Variants in ASTN2 observed in about 807,000 individuals in gnomAD.
ASTN2 encodes the protein astrotactin 2.
Under a neutral mutation model 139.8 loss-of-function variants are expected in ASTN2, and 54 were observed. That is an observed-to-expected ratio of 0.39 (90% CI 0.31 to 0.48). The LOEUF (loss-of-function observed/expected upper bound fraction) is 0.48. Among genes scored for constraint, ASTN2 ranks in the 20% least tolerant of loss-of-function variants. ASTN2 has a pLI of 0.95. For missense variants in ASTN2, 1,565 were observed against 1,725.1 expected, an observed-to-expected ratio of 0.91 and a Z score of 1.64; for synonymous variants, 756 against 719.5, an observed-to-expected ratio of 1.05 and a Z score of -0.81.
chr9:117,227,425 C>T (rs1334708038), intron 2 of ASTN2, among the ~76,000 whole-genome samples: 1 of 152,052 alleles, frequency 6.6e-6, no homozygotes, highest in African/African-American at 2.4e-5. Flanking sequence ...TTTGTCAATG[C>T]TTAGTAATTC....
intron 13 of ASTN2, 124 bp downstream of exon 13, chr9:116,805,508 T>C (rs1831006714): frequency 1.1e-6 from 1 of 870,920 alleles, no homozygotes; most frequent in South Asian, 1.7e-5. Flanking sequence ...AGGGTACCTG[T>C]GAGCTTAAAG....
At chr9:116,653,934 T>G (rs1342988426) in intron 16 of ASTN2, among the ~76,000 whole-genome samples, 1 of 152,192 alleles carries the variant, frequency 6.6e-6, no homozygotes, top group Admixed American at 6.5e-5. Flanking sequence ...GGGTAGTTAC[T>G]AAGACAAACA....
At chr9:116,946,950 A>AAAAC (rs1444603031) in intron 10 of ASTN2, among the ~76,000 whole-genome samples, 1 of 151,560 alleles carries the variant, frequency 6.6e-6, no homozygotes. Context: ...AAAAAAAAAA[A>AAAAC]ACAACCCAGA....
chr9:117,230,164 G>T (rs1239817050), intron 2 of ASTN2, among the ~76,000 whole-genome samples: 3 of 146,704 alleles, frequency 2.0e-5, no homozygotes, highest in Middle Eastern at 3.5e-3. Flanking sequence ...TGGAATCTGG[G>T]TGTGTGAATT....
intron 2 of ASTN2, among the ~76,000 whole-genome samples, chr9:117,227,773 G>A (rs1832762790): frequency 1.3e-5 from 2 of 152,192 alleles, no homozygotes; most frequent in African/African-American, 4.8e-5. Flanking sequence ...AGAGGAAGAG[G>A]TGGTCTGAAT....
At chr9:116,856,644 G>A (rs1046042110) in intron 11 of ASTN2, among the ~76,000 whole-genome samples, 1 of 152,230 alleles carries the variant, frequency 6.6e-6, no homozygotes, top group Admixed American at 6.5e-5. Flanking sequence ...AAATCCATAT[G>A]TTTATTCATC....
chr9:116,739,316 C>T (rs1346649998), intron 13 of ASTN2, among the ~76,000 whole-genome samples: 1 of 152,182 alleles, frequency 6.6e-6, no homozygotes, highest in Non-Finnish European at 1.5e-5. Flanking sequence ...CAAGATCCCT[C>T]ATTATCTAGA....
At chr9:117,023,874 G>A (rs1424626960) in intron 6 of ASTN2, among the ~76,000 whole-genome samples, 2 of 152,088 alleles carry the variant, frequency 1.3e-5, no homozygotes, top group African/African-American at 4.8e-5. Context: ...TAGGACTGGA[G>A]GCCTCTAGAT....
intron 10 of ASTN2, among the ~76,000 whole-genome samples, chr9:116,959,018 G>A (rs1400867937): frequency 1.3e-5 from 2 of 152,170 alleles, no homozygotes; most frequent in Non-Finnish European, 2.9e-5. Context: ...GTGAGAAGGT[G>A]ATAAGTGCCT....
At chr9:116,860,619 C>T (rs1198115759) in intron 11 of ASTN2, among the ~76,000 whole-genome samples, 2 of 152,228 alleles carry the variant, frequency 1.3e-5, no homozygotes, top group Non-Finnish European at 2.9e-5. Context: ...TCAACGAGAA[C>T]TCATCTCAGC....
chr9:117,156,433 T>C lies in ASTN2; in HGVS notation c.1016-14955A>G, dbSNP rs568214966. Among the ~76,000 whole-genome samples, 31 of 152,170 alleles carry C rather than the reference T, an allele frequency of 2.0e-4. No homozygotes were observed. The South Asian group carries it at 6.2e-3, about 30-fold the overall frequency. ...CATTTGAAGCTGGCTAATTCTTTGC[T>C]GTGGAAACTGTCTGATGCATTGTAA... On this transcript the variant is annotated intron_variant, in intron 3 of 22. Coordinates refer to ENST00000313400, the MANE Select transcript of ASTN2 (RefSeq NM_001365068.1).
intron 2 of ASTN2, among the ~76,000 whole-genome samples, chr9:117,226,183 C>T (rs1832707125): frequency 6.6e-6 from 1 of 152,192 alleles, no homozygotes; most frequent in Non-Finnish European, 1.5e-5. Flanking sequence ...ATCAAGTACA[C>T]TCTTGCCCAA....
chr9:117,199,356 C>T (rs1279340465), intron 3 of ASTN2, among the ~76,000 whole-genome samples: 4 of 152,138 alleles, frequency 2.6e-5, no homozygotes, highest in African/African-American at 9.7e-5. Context: ...ATATGGCTAG[C>T]CAGCACCATT....
At chr9:117,387,710 C>T (rs1270822375) in intron 1 of ASTN2, among the ~76,000 whole-genome samples, 1 of 152,180 alleles carries the variant, frequency 6.6e-6, no homozygotes, top group East Asian at 1.9e-4. Flanking sequence ...TTCCTAGCAT[C>T]ATTCCCCTAA....
chr9:116,498,727 A>G (rs762956014), intron 19 of ASTN2, among the ~76,000 whole-genome samples: 11 of 152,228 alleles, frequency 7.2e-5, no homozygotes, highest in Non-Finnish European at 1.5e-4. Flanking sequence ...AGGAAAATTC[A>G]CACAGTGCCA....
intron 3 of ASTN2, among the ~76,000 whole-genome samples, chr9:117,160,043 G>GA (rs1830513324): frequency 6.6e-6 from 1 of 151,988 alleles, no homozygotes; most frequent in Non-Finnish European, 1.5e-5. Context: ...ACTCCACTAT[G>GA]AAAATGCATT....
intron 1 of ASTN2, among the ~76,000 whole-genome samples, chr9:117,371,365 C>A (rs1340661435): frequency 6.6e-6 from 1 of 152,158 alleles, no homozygotes; most frequent in Non-Finnish European, 1.5e-5. Context: ...ACATCCCTCC[C>A]TGCCTTGCCT....
intron 17 of ASTN2, among the ~76,000 whole-genome samples, chr9:116,644,839 A>C (rs1857510706): frequency 6.6e-6 from 1 of 152,170 alleles, no homozygotes; most frequent in Non-Finnish European, 1.5e-5. Context: ...GATTTGCTTT[A>C]TATTCTGGGT....
At chr9:116,998,500 C>G (rs904229049) in intron 7 of ASTN2, among the ~76,000 whole-genome samples, 1 of 151,420 alleles carries the variant, frequency 6.6e-6, no homozygotes, top group Non-Finnish European at 1.5e-5. Context: ...GAAGCCTACA[C>G]CTTACTCATT....
Sources: allele counts gnomAD v4.1 joint callset (sites outside exome capture counted in the v4.1 genomes callset), GRCh38; gene constraint gnomAD v4.1.1; transcripts MANE v1.5; gene names NCBI Gene and HGNC (gene_info 2026-07-23, HGNC 2026-07-21).